The following WWOX variants were observed in gnomAD, a reference collection of about 807,000 sequenced individuals.
WWOX encodes WW domain-containing oxidoreductase.
WWOX carries 69 observed loss-of-function variants against 46.2 expected under a neutral mutation model. The ratio of observed to expected loss-of-function variants is 1.49; its 90% CI spans 1.23 to 1.82. The LOEUF (loss-of-function observed/expected upper bound fraction) is 1.82. Among genes scored for constraint, WWOX ranks in the 40% most tolerant of loss-of-function variants. The probability of loss-of-function intolerance (pLI) is 0.00; values close to 1 mark genes in which losing one functional copy is unlikely to be tolerated. For synonymous variants in WWOX, 359 were observed against 202.6 expected, an observed-to-expected ratio of 1.77 and a Z score of -6.56; for missense variants, 919 against 542.6, an observed-to-expected ratio of 1.69 and a Z score of -6.89.
chr16:78,921,721 A>G (rs958690072), intron 8 of WWOX, among the ~76,000 whole-genome samples: 2 of 152,134 alleles, frequency 1.3e-5, no homozygotes, highest in African/African-American at 4.8e-5. Flanking sequence ...GTGTGTGTCT[A>G]AACTTCTCAT....
chr16:78,994,966 CTTCTT>C (rs1338439737), intron 8 of WWOX, among the ~76,000 whole-genome samples: 5 of 79,628 alleles, frequency 6.3e-5, no homozygotes, highest in Non-Finnish European at 1.0e-4. Flanking sequence ...TCTTCTTCTT[CTTCTT>C]TTTTTTTTTT....
chr16:78,275,493 C>T (rs1476422994), intron 5 of WWOX, among the ~76,000 whole-genome samples: 4 of 152,250 alleles, frequency 2.6e-5, no homozygotes, highest in Admixed American at 2.6e-4. Flanking sequence ...GAGGTATGTG[C>T]TGAGGATCTC....
At chr16:78,149,880 G>GTCT (rs1170435136) in intron 4 of WWOX, among the ~76,000 whole-genome samples, 12 of 152,166 alleles carry the variant, frequency 7.9e-5, no homozygotes, top group African/African-American at 2.9e-4. Flanking sequence ...GAAACACTGT[G>GTCT]TCTTCCTCTT....
intron 5 of WWOX, among the ~76,000 whole-genome samples, chr16:78,296,261 G>A (rs755522): frequency 1.3e-5 from 2 of 151,476 alleles, no homozygotes; most frequent in African/African-American, 2.4e-5. Flanking sequence ...TGGATGTACC[G>A]CCACAGATGT....
In WWOX at chr16:78,734,514, C is replaced by G. The variant is rs777568011; in HGVS notation, c.1056+301762C>G. ...CTAGTGAAGGGAGACATTTCTTTACCTACCTGGGACCTCAGACCTTGGACC... is the reference window on the plus strand; with the variant it reads ...CTAGTGAAGGGAGACATTTCTTTACGTACCTGGGACCTCAGACCTTGGACC... On this transcript the variant is annotated intron_variant, in intron 8 of 8. Coordinates refer to ENST00000566780, the MANE Select transcript of WWOX (RefSeq NM_016373.4). Among the ~76,000 whole-genome samples, 41 of 151,868 alleles carry G rather than the reference C, an allele frequency of 2.7e-4. 1 individual carries two copies. The highest frequency in any genetic ancestry group is 4.7e-4 in the Non-Finnish European group (32 of 67,950).
intron 8 of WWOX, among the ~76,000 whole-genome samples, chr16:78,541,477 A>C (rs1197412486): frequency 2.9e-5 from 1 of 35,004 alleles, no homozygotes; most frequent in Non-Finnish European, 8.9e-5. Flanking sequence ...CCGTCTCAAA[A>C]AAAAAAAAAA....
At chr16:78,234,732 G>T (rs972400923) in intron 5 of WWOX, among the ~76,000 whole-genome samples, 3 of 150,462 alleles carry the variant, frequency 2.0e-5, no homozygotes. Flanking sequence ...TTTGGAAAAA[G>T]AACCACAAGT....
At chr16:78,197,815 C>T (rs756327146) in intron 5 of WWOX, among the ~76,000 whole-genome samples, 12 of 152,120 alleles carry the variant, frequency 7.9e-5, no homozygotes, top group Non-Finnish European at 1.5e-4. Flanking sequence ...GCGACTTGCC[C>T]GAGGCCACGC....
At chr16:78,778,673 C>A (rs992136883) in intron 8 of WWOX, among the ~76,000 whole-genome samples, 1 of 152,168 alleles carries the variant, frequency 6.6e-6, no homozygotes, top group African/African-American at 2.4e-5. Context: ...ACATCACTTA[C>A]CATCTACTCA....
At chr16:78,521,720 G>T (rs886561605) in intron 8 of WWOX, among the ~76,000 whole-genome samples, 2 of 151,812 alleles carry the variant, frequency 1.3e-5, no homozygotes, top group Non-Finnish European at 2.9e-5. Flanking sequence ...TATTTCACTA[G>T]TTCCAAAAGA....
chr16:78,994,410 A>G (rs1393325776), intron 8 of WWOX: 12 of 152,242 alleles, frequency 7.9e-5, no homozygotes, highest in Admixed American at 3.9e-4. Flanking sequence ...GGTTATTTTT[A>G]TAATACTTGC....
intron 8 of WWOX, among the ~76,000 whole-genome samples, chr16:78,767,917 T>C (rs1035079244): frequency 1.3e-4 from 20 of 152,140 alleles, no homozygotes; most frequent in South Asian, 4.2e-4. Flanking sequence ...TTGCTTTCTT[T>C]TGGCTAATGA....
At chr16:78,998,171 C>G (rs141856082) in intron 8 of WWOX, among the ~76,000 whole-genome samples, 4 of 152,294 alleles carry the variant, frequency 2.6e-5, no homozygotes, top group Admixed American at 2.6e-4. Flanking sequence ...GCCATCGCGC[C>G]CGGCCTAGCC....
intron 5 of WWOX, among the ~76,000 whole-genome samples, chr16:78,174,633 T>G (rs1302721960): frequency 3.3e-5 from 5 of 152,202 alleles, no homozygotes; most frequent in Non-Finnish European, 1.5e-5. Flanking sequence ...TTTTAAATGA[T>G]CAAAGCACTG....
At chr16:78,659,558 G>T (rs530759984) in intron 8 of WWOX, among the ~76,000 whole-genome samples, 2 of 152,186 alleles carry the variant, frequency 1.3e-5, no homozygotes, top group African/African-American at 4.8e-5. Context: ...AAAACCTTTC[G>T]AGACATCATT....
chr16:78,580,789 A>C (rs1242850302), intron 8 of WWOX, among the ~76,000 whole-genome samples: 3 of 152,200 alleles, frequency 2.0e-5, no homozygotes, highest in Non-Finnish European at 4.4e-5. Flanking sequence ...TTCATTTAAT[A>C]ATGCCATGTA....
intron 5 of WWOX, among the ~76,000 whole-genome samples, chr16:78,356,071 TAAAAAAAAAA>T (rs61113878): frequency 2.9e-4 from 22 of 76,142 alleles, no homozygotes; most frequent in East Asian, 2.8e-3. Context: ...TTTTTTTTCC[TAAAAAAAAAA>T]AAAAAAAAAA....
chr16:78,450,516 C>CA (rs1047389633), intron 8 of WWOX, among the ~76,000 whole-genome samples: 10 of 151,460 alleles, frequency 6.6e-5, no homozygotes, highest in African/African-American at 2.2e-4. Context: ...TTGCCGGATC[C>CA]AAAAAAAATA....
At position 78,109,687 on chromosome 16, in the gene WWOX, G is replaced by T. The variant is rs117470523; in HGVS notation, c.173-91G>T. On this transcript the variant is annotated intron_variant, in intron 2 of 8. Transcript: ENST00000566780. ...GCTGGGTGGGAGGGACAGGCTTGGGGGCGGGGCTGGGAGGGCTCCTTCCCT... is the reference window on the plus strand; with the variant it reads ...GCTGGGTGGGAGGGACAGGCTTGGGTGCGGGGCTGGGAGGGCTCCTTCCCT... 0.044 allele frequency: 58,049 copies of T among 1,315,594 alleles called. 1,560 individuals are homozygous for T. Among genetic ancestry groups the T allele is most frequent in the Non-Finnish European group, 0.052 (47,435 of 916,568 alleles). The allele number at this position is 1,315,594 out of a possible 1,614,324, so 81.5% of individuals were successfully genotyped here.
Sources: allele counts gnomAD v4.1 joint callset (sites outside exome capture counted in the v4.1 genomes callset), GRCh38; gene constraint gnomAD v4.1.1; transcripts MANE v1.5; gene names NCBI Gene and HGNC (gene_info 2026-07-23, HGNC 2026-07-21).